The following CRACD variants were observed in gnomAD, a reference collection of about 807,000 sequenced individuals.
The protein encoded by CRACD is capping protein-inhibiting regulator of actin dynamics.
Under a neutral mutation model 106.8 loss-of-function variants are expected in CRACD, and 56 were observed. The observed-to-expected ratio is 0.52, with a 90% CI of 0.42 to 0.66. The LOEUF is 0.66. Among genes scored for constraint, CRACD ranks in the 30% least tolerant of loss-of-function variants. The pLI, the probability that CRACD is intolerant of heterozygous loss-of-function variation, is 0.00. For missense variants in CRACD, 1,730 were observed against 1,623.2 expected (o/e 1.07, Z -1.13); for synonymous variants, 754 against 670.8 (o/e 1.12, Z -1.92).
At chr4:56,143,977 AAG>A (rs1234374583) in intron 1 of CRACD, among the ~76,000 whole-genome samples, 1 of 152,174 alleles carries the variant, frequency 6.6e-6, no homozygotes, top group Non-Finnish European at 1.5e-5. Flanking sequence ...GGGAAAAAAT[AAG>A]AGGAGTCTCT....
intron 1 of CRACD, among the ~76,000 whole-genome samples, chr4:56,052,512 A>C (rs1731911083): frequency 2.0e-5 from 3 of 152,214 alleles, no homozygotes; most frequent in Non-Finnish European, 4.4e-5. Flanking sequence ...TTGGAGTTTG[A>C]ATACTAAATT....
chr4:56,271,959 G>T lies in CRACD; in HGVS notation c.-188-362G>T, dbSNP rs112747022. 1.5e-3 allele frequency among the ~76,000 whole-genome samples: 227 copies of T among 152,254 alleles called. 2 individuals carry two copies. Among genetic ancestry groups the T allele is most frequent in the African/African-American group, 5.2e-3 (217 of 41,542 alleles). ...GGATCTCACTGTGTTGCCCAGGCTG[G>T]TCTCAAACTCCTGGGCTCAAATGCT... On this transcript the variant is annotated intron_variant, in intron 2 of 10. Coordinates refer to ENST00000682029, the MANE Select transcript of CRACD (RefSeq NM_001393381.1).
intron 1 of CRACD, among the ~76,000 whole-genome samples, chr4:56,129,541 C>G (rs1227812716): frequency 1.3e-5 from 2 of 152,220 alleles, no homozygotes; most frequent in Non-Finnish European, 2.9e-5. Flanking sequence ...AAACTGTTAA[C>G]TTCCTCCTTG....
At chr4:56,134,430 C>G (rs537414873) in intron 1 of CRACD, among the ~76,000 whole-genome samples, 3 of 152,220 alleles carry the variant, frequency 2.0e-5, no homozygotes, top group South Asian at 4.1e-4. Flanking sequence ...TGCCCTCCCC[C>G]GCAATTTCAT....
At chr4:56,065,095 A>C (rs112181369) in intron 1 of CRACD, among the ~76,000 whole-genome samples, 1,774 of 148,990 alleles carry the variant, frequency 0.012, 41 homozygotes, top group African/African-American at 0.041. Context: ...AAATTTTTTT[A>C]TTTTTTTTTT....
chr4:56,230,159 C>T (rs1739533201), intron 2 of CRACD, among the ~76,000 whole-genome samples: 1 of 152,162 alleles, frequency 6.6e-6, no homozygotes, highest in Non-Finnish European at 1.5e-5. Flanking sequence ...TCTTCTTCCT[C>T]TTTGTGGTTT....
At chr4:56,289,955 A>G (rs1743610126) in intron 3 of CRACD, among the ~76,000 whole-genome samples, 1 of 152,102 alleles carries the variant, frequency 6.6e-6, no homozygotes, top group Non-Finnish European at 1.5e-5. Flanking sequence ...TCCATCCATA[A>G]AGACTTGGGT....
chr4:56,118,205 C>T (rs1415205788), intron 1 of CRACD, among the ~76,000 whole-genome samples: 13 of 152,158 alleles, frequency 8.5e-5, no homozygotes, highest in Admixed American at 3.9e-4. Context: ...TAATCACTTA[C>T]GAACCAGAAG....
intron 1 of CRACD, among the ~76,000 whole-genome samples, chr4:56,086,206 A>G (rs1189289715): frequency 1.3e-5 from 2 of 152,142 alleles, no homozygotes; most frequent in Non-Finnish European, 1.5e-5. Flanking sequence ...GAATCTTGGG[A>G]GGGAGCCAGG....
intron 2 of CRACD, among the ~76,000 whole-genome samples, chr4:56,206,782 A>G (rs1467890840): frequency 2.0e-5 from 3 of 152,176 alleles, no homozygotes; most frequent in Non-Finnish European, 4.4e-5. Flanking sequence ...GAGTGTAACC[A>G]AAACTGAAGG....
At chr4:56,166,669 C>T in intron 1 of CRACD, among the ~76,000 whole-genome samples, 1 of 43,800 alleles carries the variant, frequency 2.3e-5, no homozygotes. Context: ...GAGAGACACT[C>T]TGTCTCAAAA....
intron 2 of CRACD, among the ~76,000 whole-genome samples, chr4:56,254,088 T>G (rs1369525862): frequency 1.3e-5 from 2 of 152,224 alleles, no homozygotes; most frequent in Non-Finnish European, 2.9e-5. Flanking sequence ...AATTGTTATC[T>G]CTTTTGTCTC....
intron 2 of CRACD, among the ~76,000 whole-genome samples, chr4:56,236,979 G>A (rs1418222468): frequency 4.6e-5 from 7 of 152,268 alleles, no homozygotes; most frequent in African/African-American, 1.4e-4. Flanking sequence ...CCTTTGGAAT[G>A]TAATTTAGCC....
chr4:56,149,232 C>T (rs1735504112), intron 1 of CRACD, among the ~76,000 whole-genome samples: 1 of 152,166 alleles, frequency 6.6e-6, no homozygotes, highest in Non-Finnish European at 1.5e-5. Context: ...GCCACTCTCC[C>T]CTCCCCCATC....
intron 2 of CRACD, among the ~76,000 whole-genome samples, chr4:56,197,509 C>T (rs373838161): frequency 6.6e-6 from 1 of 152,146 alleles, no homozygotes; most frequent in African/African-American, 2.4e-5. Flanking sequence ...TCTTCCCTCC[C>T]TCTTTCCCCC....
At chr4:56,050,209 G>A (rs1731827029) in intron 1 of CRACD, among the ~76,000 whole-genome samples, 1 of 151,692 alleles carries the variant, frequency 6.6e-6, no homozygotes, top group South Asian at 2.1e-4. Context: ...ACGACCATGT[G>A]TTGTGAAATT....
At position 56,220,990 on chromosome 4, in the gene CRACD, T is replaced by C. The variant is rs571540731; in HGVS notation, c.-189+41560T>C. 4.1e-4 allele frequency among the ~76,000 whole-genome samples: 62 copies of C among 152,228 alleles called. 1 individual carries two copies. Among genetic ancestry groups the C allele is most frequent in the African/African-American group, 1.5e-3 (61 of 41,536 alleles). ...GAGAATCATGTACAAAGAAAGCATT[T>C]GGTGTATTCAGAATCCAGCGTCCTT... is the stretch of plus-strand genomic sequence containing the variant. On this transcript the variant is annotated intron_variant, in intron 2 of 10. Transcript: ENST00000682029.
At chr4:56,296,855 C>T (rs1457618307) in intron 3 of CRACD, among the ~76,000 whole-genome samples, 2 of 152,124 alleles carry the variant, frequency 1.3e-5, no homozygotes, top group East Asian at 3.8e-4. Flanking sequence ...CAGTTTGCTT[C>T]CTTACTGCTA....
At chr4:56,157,235 A>G (rs972639452) in intron 1 of CRACD, among the ~76,000 whole-genome samples, 4 of 152,232 alleles carry the variant, frequency 2.6e-5, no homozygotes, top group African/African-American at 9.6e-5. Context: ...TGGGAGGCCA[A>G]GGTGAGAGGA....
Sources: gnomAD v4.1 joint callset for allele counts (sites outside exome capture counted in the v4.1 genomes callset) on GRCh38, gnomAD v4.1.1 for gene constraint, MANE v1.5 for transcripts, NCBI Gene and HGNC (gene_info 2026-07-23, HGNC 2026-07-21) for gene names.